RAPGEF2: variants seen among roughly 807,000 people sequenced by gnomAD.
The protein encoded by RAPGEF2 is Rap guanine nucleotide exchange factor 2, also known as PDZ domain containing guanine nucleotide exchange factor (GEF) 1.
RAPGEF2 carries 54 observed loss-of-function variants against 186.7 expected under a neutral mutation model. The ratio of observed to expected loss-of-function variants is 0.29; its 90% CI spans 0.23 to 0.36. RAPGEF2 has a LOEUF of 0.36. Among genes scored for constraint, RAPGEF2 ranks in the 10% least tolerant of loss-of-function variants. The pLI is 1.00. For missense variants in RAPGEF2, 1,532 were observed against 2,045.0 expected (o/e 0.75, Z 4.84); for synonymous variants, 712 against 705.9 (o/e 1.01, Z -0.14).
intron 3 of RAPGEF2, 96 bp from the exon 4 acceptor site, chr4:159,210,404 A>G (rs1400257493): frequency 2.8e-6 from 2 of 716,208 alleles, no homozygotes; most frequent in East Asian, 2.7e-5. Context: ...TATTATTTTA[A>G]AAGTAATATG....
At chr4:159,119,905 A>C (rs1224403035) in intron 1 of RAPGEF2, among the ~76,000 whole-genome samples, 1 of 152,126 alleles carries the variant, frequency 6.6e-6, no homozygotes, top group Non-Finnish European at 1.5e-5. Context: ...AATGTATTTC[A>C]TTTTTTTGGG....
intron 7 of RAPGEF2, among the ~76,000 whole-genome samples, chr4:159,256,144 T>C (rs1756130823): frequency 6.6e-6 from 1 of 152,214 alleles, no homozygotes; most frequent in South Asian, 2.1e-4. Context: ...ACGTGTGCCA[T>C]GGTGGTTTGC....
intron 9 of RAPGEF2, among the ~76,000 whole-genome samples, chr4:159,318,531 G>A (rs918071662): frequency 3.3e-5 from 5 of 152,232 alleles, no homozygotes; most frequent in Middle Eastern, 3.4e-3. Context: ...TTTGCGAGCT[G>A]CAGGAAGAAA....
At chr4:159,293,219 G>A (rs557432601) in intron 7 of RAPGEF2, among the ~76,000 whole-genome samples, 17 of 152,192 alleles carry the variant, frequency 1.1e-4, no homozygotes, top group East Asian at 3.9e-4. Context: ...CAATTTTCTC[G>A]TCTTAATATC....
Position 159,346,983 on chromosome 4 carries a change from G to A in RAPGEF2, c.3697G>A (p.Asp1233Asn). 1 of 1,613,434 alleles carries A rather than the reference G, an allele frequency of 6.2e-7. No homozygotes were observed. Among genetic ancestry groups the A allele is most frequent in the Non-Finnish European group, 8.5e-7 (1 of 1,179,428 alleles). Reference sequence around the variant, plus strand: ...TTCACGGAAGAAAGTGCCCGTAAAGGATCTCCCACCTTTTGGTAAGTGATT... The same window carrying A: ...TTCACGGAAGAAAGTGCCCGTAAAGAATCTCCCACCTTTTGGTAAGTGATT... Reference protein sequence around the residue: ...YPSRKKVPVKDLPPFGINSPQ... With the variant: ...YPSRKKVPVKNLPPFGINSPQ... Residue 1233 changes from aspartate (D) to asparagine (N), a missense_variant, in exon 25 of 30, where the codon GAT becomes AAT. Physicochemically the swap from Asp to Asn is conservative, Grantham distance 23 (BLOSUM62 1). Transcript: ENST00000691494.
At chr4:159,207,319 C>T (rs1750093168) in intron 3 of RAPGEF2, among the ~76,000 whole-genome samples, 1 of 152,212 alleles carries the variant, frequency 6.6e-6, no homozygotes, top group Non-Finnish European at 1.5e-5. Context: ...CATTCACTGC[C>T]ACAGTATTTT....
chr4:159,275,115 A>G (rs912527830), intron 7 of RAPGEF2, among the ~76,000 whole-genome samples: 1 of 150,604 alleles, frequency 6.6e-6, no homozygotes, highest in African/African-American at 2.4e-5. Context: ...TGAGAATCTT[A>G]TAATTGCACA....
At chr4:159,356,306 T>C in intron 29 of RAPGEF2, 148 bp downstream of exon 29, 1 of 862,628 alleles carries the variant, frequency 1.2e-6, no homozygotes, top group Non-Finnish European at 1.7e-6. Context: ...GTTCCAAATT[T>C]AGGGTTACAG....
At chr4:159,156,705 G>A (rs1417748619) in intron 1 of RAPGEF2, among the ~76,000 whole-genome samples, 2 of 152,074 alleles carry the variant, frequency 1.3e-5, no homozygotes, top group African/African-American at 2.4e-5. Flanking sequence ...TGATCTCATT[G>A]TTCAATTCCC....
At chr4:159,131,321 G>T (rs1313242632) in intron 1 of RAPGEF2, among the ~76,000 whole-genome samples, 1 of 151,872 alleles carries the variant, frequency 6.6e-6, no homozygotes, top group African/African-American at 2.4e-5. Context: ...TGTTGGTCAG[G>T]CTGGTCTCGA....
At chr4:159,104,520 G>GAC (rs1560964693) in intron 1 of RAPGEF2, among the ~76,000 whole-genome samples, 4 of 127,908 alleles carry the variant, frequency 3.1e-5, no homozygotes, top group South Asian at 2.4e-4. Context: ...GAGAGAGAGA[G>GAC]AGAGAGGGAG....
At chr4:159,340,482 A>G (rs555327845) in intron 19 of RAPGEF2, among the ~76,000 whole-genome samples, 2 of 152,240 alleles carry the variant, frequency 1.3e-5, no homozygotes, top group East Asian at 3.9e-4. Flanking sequence ...AGAATGTTAA[A>G]TCTGTGAAAG....
At chr4:159,212,930 T>G (rs551006407) in intron 4 of RAPGEF2, among the ~76,000 whole-genome samples, 6 of 152,320 alleles carry the variant, frequency 3.9e-5, no homozygotes, top group African/African-American at 1.2e-4. Flanking sequence ...AAGACTGCTA[T>G]TCTAGAAAAA....
chr4:159,268,982 A>G lies in RAPGEF2; in HGVS notation c.543+25191A>G, dbSNP rs577841190. On this transcript the variant is annotated intron_variant, in intron 7 of 29. Coordinates refer to ENST00000691494, the MANE Select transcript of RAPGEF2 (RefSeq NM_001394067.2). ...TTCAATCGTGAAAATGCAAACGCATAAATTTAGACAGCCTGTATAGTAGTC... is the reference window on the plus strand; with the variant it reads ...TTCAATCGTGAAAATGCAAACGCATGAATTTAGACAGCCTGTATAGTAGTC... 1.7e-3 allele frequency among the ~76,000 whole-genome samples: 259 copies of G among 152,352 alleles called. 1 individual carries two copies. Among genetic ancestry groups the G allele is most frequent in the African/African-American group, 5.8e-3 (243 of 41,568 alleles).
intron 1 of RAPGEF2, among the ~76,000 whole-genome samples, chr4:159,160,867 A>G (rs1469915762): frequency 6.6e-6 from 1 of 152,184 alleles, no homozygotes; most frequent in African/African-American, 2.4e-5. Flanking sequence ...TACCCACATC[A>G]GGGTTTAAAA....
At chr4:159,272,175 C>T (rs1758212283) in intron 7 of RAPGEF2, among the ~76,000 whole-genome samples, 1 of 152,176 alleles carries the variant, frequency 6.6e-6, no homozygotes, top group Non-Finnish European at 1.5e-5. Context: ...CAATCATGAT[C>T]ACCTCCCTTA....
chr4:159,187,307 T>C (rs905892521), intron 2 of RAPGEF2, among the ~76,000 whole-genome samples: 2 of 151,346 alleles, frequency 1.3e-5, no homozygotes, highest in East Asian at 1.9e-4. Flanking sequence ...CCTCCTCCCC[T>C]TTTTTTTCTC....
At chr4:159,149,011 C>T (rs1743240617) in intron 1 of RAPGEF2, among the ~76,000 whole-genome samples, 1 of 152,156 alleles carries the variant, frequency 6.6e-6, no homozygotes, top group African/African-American at 2.4e-5. Flanking sequence ...ATTTTCTAAT[C>T]TGCATCTTGC....
At chr4:159,351,161 CACCACGG>C (rs1232744436) in intron 26 of RAPGEF2, 1 of 1,535,258 alleles carries the variant, frequency 6.5e-7, no homozygotes, top group Non-Finnish European at 8.7e-7. Flanking sequence ...AATAACAATG[CACCACGG>C]ACCTATGGGA....
Sources: gnomAD v4.1 joint callset for allele counts (sites outside exome capture counted in the v4.1 genomes callset) on GRCh38, gnomAD v4.1.1 for gene constraint, MANE v1.5 for transcripts, NCBI Gene and HGNC (gene_info 2026-07-23, HGNC 2026-07-21) for gene names.